Variants in CDKL1 observed in about 807,000 individuals in gnomAD.
CDKL1 encodes cyclin dependent kinase like 1.
In CDKL1, 41 loss-of-function variants were observed where a neutral mutation model predicts 42.0. The observed-to-expected ratio is 0.98, with a 90% CI of 0.76 to 1.27. The LOEUF (loss-of-function observed/expected upper bound fraction) is 1.27. CDKL1 is among the 50% of genes most tolerant of loss of function. CDKL1 has a pLI of 0.00. For missense variants in CDKL1, 394 were observed against 428.4 expected (o/e 0.92, Z 0.71); for synonymous variants, 153 against 158.6 (o/e 0.96, Z 0.26).
chr14:50,345,046 A>G lies in CDKL1; in HGVS notation c.303T>C (p.His101=), dbSNP rs778612327. The part of the protein sequence containing the change: ...LDRYQRGVPE[H]LVKSITWQTL... ...TCTGCCAAGTTATGCTCTTCACGAG[A>G]TGTTCTGGTACCCTAATAAAAATAA... is the stretch of plus-strand genomic sequence containing the variant. Residue 101 remains histidine (H), a synonymous_variant, in exon 4 of 10, where the codon CAT becomes CAC. Coordinates refer to ENST00000395834, the MANE Select transcript of CDKL1 (RefSeq NM_004196.7). The G allele has an allele frequency of 1.2e-5, 19 of 1,612,956 alleles. No homozygotes were observed. The highest frequency in any genetic ancestry group is 5.5e-5 in the South Asian group (5 of 91,016).
At chr14:50,335,114 CCTGT>C (rs10536815) in intron 7 of CDKL1, among the ~76,000 whole-genome samples, 87,078 of 149,716 alleles carry the variant, frequency 0.58, 25,325 homozygotes, top group East Asian at 0.77. Context: ...ATGATGAAAC[CCTGT>C]CTGTCTCTCT....
At chr14:50,381,239 G>A (rs1483726791) in intron 2 of CDKL1, among the ~76,000 whole-genome samples, 4 of 152,196 alleles carry the variant, frequency 2.6e-5, no homozygotes, top group East Asian at 3.8e-4. Flanking sequence ...TTCCTGGCAT[G>A]TCATTGGGAC....
chr14:50,359,434 CT>C (rs1481423064), intron 2 of CDKL1, among the ~76,000 whole-genome samples: 7 of 152,000 alleles, frequency 4.6e-5, no homozygotes, highest in Non-Finnish European at 1.5e-5. Context: ...ACAAACTCAG[CT>C]TTCAAGATTC....
At chr14:50,383,271 T>G (rs2034975286) in intron 2 of CDKL1, among the ~76,000 whole-genome samples, 1 of 151,288 alleles carries the variant, frequency 6.6e-6, no homozygotes, top group Non-Finnish European at 1.5e-5. Flanking sequence ...CACTGTCGGC[T>G]GGGCGTGGTG....
chr14:50,379,933 A>G (rs1213008636), intron 2 of CDKL1, among the ~76,000 whole-genome samples: 1 of 152,180 alleles, frequency 6.6e-6, no homozygotes, highest in Non-Finnish European at 1.5e-5. Context: ...CTGTGGCTAC[A>G]AGGTCTGAGC....
intron 2 of CDKL1, among the ~76,000 whole-genome samples, chr14:50,374,189 A>C (rs1245631528): frequency 6.6e-6 from 1 of 152,240 alleles, no homozygotes; most frequent in African/African-American, 2.4e-5. Flanking sequence ...ATATTGTACT[A>C]TTCCAATTCT....
chr14:50,328,929 A>G lies in CDKL1; in HGVS notation c.*1145T>C, dbSNP rs905940893. 1 of 31,124 alleles carries G rather than the reference A, an allele frequency of 3.2e-5. No individual in the cohort carries two copies. The highest frequency in any genetic ancestry group is 1.2e-4 in the African/African-American group (1 of 8,402). The allele number at this position is 31,124 out of a possible 1,614,324, so 1.9% of individuals were successfully genotyped here. A position where few individuals can be genotyped will look rare whatever the true frequency, so the allele number is the denominator to read the frequency against. On this transcript the variant is annotated 3_prime_UTR_variant, in exon 10 of 10. Transcript: ENST00000395834. Reference sequence around the variant, plus strand: ...TTTTATATATATATATAAAAAACACATATATATATATGTGTGTGTGTGTCA... The same window carrying G: ...TTTTATATATATATATAAAAAACACGTATATATATATGTGTGTGTGTGTCA...
At chr14:50,390,121 G>A in intron 2 of CDKL1, 2 of 1,360,000 alleles carry the variant, frequency 1.5e-6, no homozygotes, top group South Asian at 1.1e-5. Flanking sequence ...TAGGTCCCTT[G>A]CCCCTACCTG....
intron 2 of CDKL1, among the ~76,000 whole-genome samples, chr14:50,361,999 C>T (rs969055766): frequency 5.3e-5 from 8 of 152,200 alleles, no homozygotes; most frequent in African/African-American, 1.9e-4. Context: ...TGGGCATGGG[C>T]TTGGGGGGCC....
At chr14:50,350,704 G>A (rs1277532475) in intron 3 of CDKL1, among the ~76,000 whole-genome samples, 3 of 152,122 alleles carry the variant, frequency 2.0e-5, no homozygotes, top group Admixed American at 6.5e-5. Context: ...AATGAGAGTC[G>A]GGCAAGGTAT....
chr14:50,363,463 A>G (rs994147884), intron 2 of CDKL1: 2 of 152,436 alleles, frequency 1.3e-5, no homozygotes, highest in African/African-American at 4.8e-5. Context: ...CAACCAGGTT[A>G]AAAGGGGCTA....
At chr14:50,389,389 C>T (rs2035185946) in intron 2 of CDKL1, among the ~76,000 whole-genome samples, 2 of 152,104 alleles carry the variant, frequency 1.3e-5, no homozygotes, top group African/African-American at 4.8e-5. Context: ...TTTTTCTAAT[C>T]ACTTACCAAT....
intron 2 of CDKL1, among the ~76,000 whole-genome samples, chr14:50,390,985 C>G (rs2035240527): frequency 6.6e-6 from 1 of 152,138 alleles, no homozygotes; most frequent in Non-Finnish European, 1.5e-5. Flanking sequence ...CAGGTGCATG[C>G]CACCATGCCC....
In CDKL1 at chr14:50,342,050, A is replaced by G. The variant is rs994809932; in HGVS notation, c.454+82T>C. 6.2e-5 allele frequency: 67 copies of G among 1,088,924 alleles called. No homozygotes were observed. In the Admixed American group the frequency reaches 1.2e-3, roughly 20 times the overall value. 67.5% of individuals were successfully genotyped at this position (1,088,924 alleles called of 1,614,324 possible). On this transcript the variant is annotated intron_variant, in intron 5 of 9. Transcript: ENST00000395834. ...TAAATATACAAGTACTATCTTGTAT[A>G]CTTCTAGAGCATTTAGATCCTTTGT...
rs557595324 is a variant in CDKL1, at chr14:50,391,076, C to T, written c.168+4625G>A. On this transcript the variant is annotated intron_variant, in intron 2 of 9. Transcript: ENST00000395834. ...TCTTGAACTCATGGGCTCGAGAGAT[C>T]AGCACGTTGGCCTCCCAAAATACTG... 3.9e-5 allele frequency among the ~76,000 whole-genome samples: 6 copies of T among 152,274 alleles called. No homozygotes were observed. In the East Asian group the frequency reaches 5.8e-4, roughly 15 times the overall value.
chr14:50,334,710 T>C (rs1397452315), intron 7 of CDKL1, 89 bp from the exon 8 acceptor site: 1 of 860,918 alleles, frequency 1.2e-6, no homozygotes, highest in Non-Finnish European at 2.0e-6. Context: ...AACATTTTCC[T>C]GGCACCTTCC....
Position 50,396,295 on chromosome 14 carries a change from A to G in CDKL1, c.-427T>C, listed in dbSNP as rs949981119. 3.1e-5 allele frequency: 31 copies of G among 1,016,350 alleles called. No homozygotes were observed. The highest frequency in any genetic ancestry group is 3.6e-5 in the Non-Finnish European group (31 of 850,142). The allele number at this position is 1,016,350 out of a possible 1,614,324, so 63.0% of individuals were successfully genotyped here. On this transcript the variant is annotated 5_prime_UTR_variant, in exon 2 of 10. Coordinates refer to ENST00000395834, the MANE Select transcript of CDKL1 (RefSeq NM_004196.7). ...AATATTGGCACCAACGGACTGCACT[A>G]GAGCCCCACCCAACGATGAGTGTTT...
At chr14:50,360,472 A>C (rs1595319363) in intron 2 of CDKL1, among the ~76,000 whole-genome samples, 1 of 151,998 alleles carries the variant, frequency 6.6e-6, no homozygotes, top group African/African-American at 2.4e-5. Context: ...CAGTGGTGAG[A>C]TCTCAGCTCA....
chr14:50,390,392 T>C, intron 2 of CDKL1: 1 of 1,355,076 alleles, frequency 7.4e-7, no homozygotes, highest in African/African-American at 1.5e-5. Flanking sequence ...AATTCTTTCT[T>C]TCCTCTTCTT....
Sources: allele counts gnomAD v4.1 joint callset (sites outside exome capture counted in the v4.1 genomes callset), GRCh38; gene constraint gnomAD v4.1.1; transcripts MANE v1.5; gene names NCBI Gene and HGNC (gene_info 2026-07-23, HGNC 2026-07-21).